The following B9D1 variants were observed in gnomAD, a reference collection of about 807,000 sequenced individuals.
B9D1 encodes B9 domain-containing protein 1.
B9D1 carries 20 observed loss-of-function variants against 26.1 expected under a neutral mutation model. That is an observed-to-expected ratio of 0.77 (90% CI 0.54 to 1.12). B9D1 has a LOEUF of 1.12. Among genes scored for constraint, B9D1 ranks in the 50% most tolerant of loss-of-function variants. The pLI, the probability that B9D1 is intolerant of heterozygous loss-of-function variation, is 0.00. For synonymous variants in B9D1, 105 were observed against 103.1 expected, an observed-to-expected ratio of 1.02 and a Z score of -0.11; for missense variants, 260 against 273.7, an observed-to-expected ratio of 0.95 and a Z score of 0.35.
intron 1 of B9D1, among the ~76,000 whole-genome samples, chr17:19,361,126 C>T (rs1256329763): frequency 6.6e-6 from 1 of 151,918 alleles, no homozygotes; most frequent in African/African-American, 2.4e-5. Flanking sequence ...GATGATCTGT[C>T]ACTGTCTCCC....
downstream of B9D1, chr17:19,341,381 C>A: frequency 1.7e-6 from 2 of 1,186,358 alleles, no homozygotes; most frequent in South Asian, 8.6e-5. Context: ...GGCTTTTGCT[C>A]TGTGTCGTCC....
chr17:19,337,861 G>A, downstream of B9D1: 1 of 419,620 alleles, frequency 2.4e-6, no homozygotes, highest in South Asian at 1.6e-5. Context: ...CCCCCATCCA[G>A]ATGTGGGGTG....
chr17:19,348,992 G>A (rs369680730), intron 3 of B9D1, among the ~76,000 whole-genome samples: 3 of 152,142 alleles, frequency 2.0e-5, no homozygotes, highest in South Asian at 2.1e-4. Context: ...GCAGGCTCTC[G>A]GTACTCGCGT....
At chr17:19,373,523 C>G (rs1461311190) in intron 1 of B9D1, among the ~76,000 whole-genome samples, 1 of 152,068 alleles carries the variant, frequency 6.6e-6, no homozygotes. Context: ...TCCCGAGCAG[C>G]TGGGATTATA....
chr17:19,362,363 ATGC>A (rs2152278434), intron 1 of B9D1, 141 bp downstream of exon 1: 1 of 624,932 alleles, frequency 1.6e-6, no homozygotes, highest in East Asian at 2.9e-5. Flanking sequence ...AAGCTCTCCA[ATGC>A]TGGCTCCCCT....
chr17:19,337,758 GA>G, downstream of B9D1: 6 of 1,530,096 alleles, frequency 3.9e-6, no homozygotes, highest in East Asian at 2.5e-5. Context: ...GCTATGAAGG[GA>G]AAAATGGACA....
rs1022178550 is a variant in B9D1, at chr17:19,347,599, T to C, written c.341+185A>G. ...CTCCCCAACCCACCTGGTGTGTGGC[T>C]GGCACCACCCATCTGAAAGGTTCTC... On this transcript the variant is annotated intron_variant, in intron 4 of 6. Transcript: ENST00000261499. The surrounding 1 kb of genome is among the most constrained non-coding windows in gnomAD (Gnocchi z 4.3). Among the ~76,000 whole-genome samples the C allele has an allele frequency of 2.0e-5, 3 of 152,174 alleles. No individual in the cohort carries two copies. The highest frequency in any genetic ancestry group is 2.9e-5 in the Non-Finnish European group (2 of 68,032).
chr17:19,342,644 C>G (rs917670796), downstream of B9D1, among the ~76,000 whole-genome samples: 1 of 152,118 alleles, frequency 6.6e-6, no homozygotes, highest in Non-Finnish European at 1.5e-5. Context: ...GGGTGTTGAG[C>G]CAGGGGGCTC....
At chr17:19,338,745 CAGT>C (rs1259109012), downstream of B9D1, among the ~76,000 whole-genome samples, 2 of 152,210 alleles carry the variant, frequency 1.3e-5, no homozygotes, top group African/African-American at 2.4e-5. Context: ...GGTGTTCTGT[CAGT>C]AGCCCCCATG....
At chr17:19,351,123 G>C (rs1909540904) in intron 3 of B9D1, among the ~76,000 whole-genome samples, 1 of 152,116 alleles carries the variant, frequency 6.6e-6, no homozygotes, top group Non-Finnish European at 1.5e-5. Context: ...ACAGGTGTGA[G>C]CCATGGTGCC....
At chr17:19,358,427 C>G (rs540960578) in intron 2 of B9D1, among the ~76,000 whole-genome samples, 1 of 152,324 alleles carries the variant, frequency 6.6e-6, no homozygotes, top group Admixed American at 6.5e-5. Flanking sequence ...CCACACTCAC[C>G]GGCTCCAATT....
chr17:19,343,321 A>C lies in B9D1; in HGVS notation c.613T>G (p.Ter205GlyextTer9), dbSNP rs201498591. 3 of 1,614,048 alleles carry C rather than the reference A, an allele frequency of 1.9e-6. No individual in the cohort carries two copies. The highest frequency in any genetic ancestry group is 2.5e-6 in the Non-Finnish European group (3 of 1,180,024). The change falls in exon 7 of 7, where the codon TGA becomes GGA. Residue 205 changes from the stop codon to glycine (G), a stop_lost. Coordinates refer to ENST00000261499, the MANE Select transcript of B9D1 (RefSeq NM_015681.6). ...GPSPPQSFPQ[*>G] is the part of the protein sequence containing the mutation. ...AGACTGTGCAGCCTGTGGAGCCTTC[A>C]CTGGGGGAAGCTCTGGGGTGGGCTG...
At chr17:19,367,698 C>G (rs1421080702), upstream of B9D1, among the ~76,000 whole-genome samples, 1 of 152,330 alleles carries the variant, frequency 6.6e-6, no homozygotes, top group Non-Finnish European at 1.5e-5. Flanking sequence ...TCTAGAAAGT[C>G]CTTCCTGCCA....
downstream of B9D1, among the ~76,000 whole-genome samples, chr17:19,338,501 ATTTTGGTCAGAGTGTTAC>A (rs1907646854): frequency 6.6e-6 from 1 of 152,224 alleles, no homozygotes; most frequent in South Asian, 2.1e-4. Context: ...TAACTGCATT[ATTTTGGTCAGAGTGTTAC>A]TTTGGTGGCC....
upstream of B9D1, among the ~76,000 whole-genome samples, chr17:19,367,405 G>T (rs1235783297): frequency 6.7e-6 from 1 of 149,188 alleles, no homozygotes; most frequent in African/African-American, 2.5e-5. Flanking sequence ...TCTGCCTCCT[G>T]GGTTCAAGCG....
In B9D1 at chr17:19,343,406, C is replaced by G; in HGVS notation, c.528G>C (p.Lys176Asn). The G allele has an allele frequency of 6.2e-7, 1 of 1,614,202 alleles. No individual in the cohort carries two copies. Among genetic ancestry groups the G allele is most frequent in the Non-Finnish European group, 8.5e-7 (1 of 1,180,020 alleles). ...TGTCATAGCCCAGTTTCCTCATGTCCTTGGTCACCACGTTGAAGAGGAGGG... is the reference window on the plus strand; with the variant it reads ...TGTCATAGCCCAGTTTCCTCATGTCGTTGGTCACCACGTTGAAGAGGAGGG... Reference protein sequence around the residue: ...FVTLLFNVVTKDMRKLGYDTG... With the variant: ...FVTLLFNVVTNDMRKLGYDTG... The change falls in exon 7 of 7, where the codon AAG (lysine) becomes AAC (asparagine). Residue 176 changes from lysine to asparagine, a missense_variant. Coordinates refer to ENST00000261499, the MANE Select transcript of B9D1 (RefSeq NM_015681.6).
intron 1 of B9D1, 78 bp from the exon 2 acceptor site, chr17:19,360,466 G>C: frequency 7.5e-7 from 1 of 1,324,638 alleles, no homozygotes; most frequent in South Asian, 1.2e-5. Flanking sequence ...GTGCAGCCAA[G>C]GGGAATTCTG....
chr17:19,352,318 T>C (rs1391792231), intron 3 of B9D1, among the ~76,000 whole-genome samples: 3 of 152,180 alleles, frequency 2.0e-5, no homozygotes, highest in Non-Finnish European at 4.4e-5. Context: ...TTCTGCTTTC[T>C]TTGGGTTTAA....
chr17:19,367,589 G>A (rs1362500733), upstream of B9D1, among the ~76,000 whole-genome samples: 1 of 152,194 alleles, frequency 6.6e-6, no homozygotes, highest in Non-Finnish European at 1.5e-5. Context: ...TGGGATTACA[G>A]GCATGAGCCA....
Sources: allele counts gnomAD v4.1 joint callset (sites outside exome capture counted in the v4.1 genomes callset), GRCh38; gene constraint gnomAD v4.1.1; non-coding constraint Gnocchi (gnomAD v3.1); transcripts MANE v1.5; gene names NCBI Gene and HGNC (gene_info 2026-07-23, HGNC 2026-07-21).